TRPC5: variants seen among roughly 807,000 people sequenced by gnomAD.
TRPC5 encodes transient receptor potential cation channel subfamily C member 5, also known as short transient receptor potential channel 5.
In TRPC5, 9 loss-of-function variants were observed where a neutral mutation model predicts 56.5. The ratio of observed to expected loss-of-function variants is 0.16; its 90% CI spans 0.10 to 0.28. The LOEUF (loss-of-function observed/expected upper bound fraction) is 0.28, where lower values mean the gene tolerates loss of function less well. Ranked by LOEUF, TRPC5 falls within the 10% of genes least tolerant of loss-of-function variation. The pLI, the probability that TRPC5 is intolerant of heterozygous loss-of-function variation, is 1.00. For synonymous variants in TRPC5, 282 were observed against 278.5 expected, an observed-to-expected ratio of 1.01 and a Z score of -0.13; for missense variants, 469 against 748.9, an observed-to-expected ratio of 0.63 and a Z score of 4.36.
intron 1 of TRPC5, among the ~76,000 whole-genome samples, chrX:111,997,974 C>T (rs1020266032): frequency 2.6e-4 from 29 of 111,326 alleles, no homozygotes; most frequent in African/African-American, 8.8e-4. Context: ...TATTACTGAC[C>T]TTCTGAATCC....
intron 1 of TRPC5, among the ~76,000 whole-genome samples, chrX:112,053,442 A>G (rs1930266563): frequency 8.9e-6 from 1 of 111,852 alleles, no homozygotes; most frequent in Non-Finnish European, 1.9e-5. Flanking sequence ...AGCATCTATC[A>G]CAGAACTTGG....
intron 1 of TRPC5, among the ~76,000 whole-genome samples, chrX:111,970,150 C>T (rs1927740106): frequency 9.0e-6 from 1 of 111,373 alleles, no homozygotes; most frequent in Non-Finnish European, 1.9e-5. Context: ...ATCTGTGTGA[C>T]TGAGAAAGGC....
At chrX:112,028,773 T>A (rs1050046784) in intron 1 of TRPC5, among the ~76,000 whole-genome samples, 4 of 112,064 alleles carry the variant, frequency 3.6e-5, no homozygotes, top group Non-Finnish European at 7.5e-5. Context: ...TGATTTATAA[T>A]CCTTTGGGTA....
At chrX:111,961,710 T>A (rs1927386056) in intron 1 of TRPC5, among the ~76,000 whole-genome samples, 1 of 112,058 alleles carries the variant, frequency 8.9e-6, no homozygotes, top group African/African-American at 3.2e-5. Context: ...TCAGTATAGC[T>A]TCCTAGAAGT....
At chrX:111,795,413 C>A (rs917850943) in intron 7 of TRPC5, among the ~76,000 whole-genome samples, 2 of 110,385 alleles carry the variant, frequency 1.8e-5, no homozygotes, top group East Asian at 2.8e-4. Flanking sequence ...TGATCATGGG[C>A]TTTTTCTTGT....
chrX:112,037,582 A>G (rs148031002), intron 1 of TRPC5, among the ~76,000 whole-genome samples: 1 of 111,379 alleles, frequency 9.0e-6, no homozygotes, highest in African/African-American at 3.3e-5. Context: ...CCCTCACAGT[A>G]GCTTTTAGAA....
intron 1 of TRPC5, among the ~76,000 whole-genome samples, chrX:112,014,330 T>A (rs1214232120): frequency 8.9e-6 from 1 of 112,698 alleles, no homozygotes; most frequent in Admixed American, 9.4e-5. Flanking sequence ...CCAGATTGTA[T>A]CTGACATTAT....
chrX:111,859,735 G>A (rs771208206), intron 3 of TRPC5, among the ~76,000 whole-genome samples: 16 of 112,094 alleles, frequency 1.4e-4, no homozygotes, highest in Non-Finnish European at 2.8e-4. Flanking sequence ...TATTCGTTCC[G>A]TAAGTCAAGT....
intron 3 of TRPC5, chrX:111,901,602 C>T: frequency 4.0e-6 from 1 of 249,341 alleles, no homozygotes; most frequent in East Asian, 6.6e-5. Context: ...AACAGCAGTT[C>T]ACCATTAGTA....
chrX:111,813,052 C>A (rs1921758256), intron 7 of TRPC5, among the ~76,000 whole-genome samples: 1 of 111,969 alleles, frequency 8.9e-6, no homozygotes, highest in Non-Finnish European at 1.9e-5. Flanking sequence ...TGTTTACTTT[C>A]AGTGTTTGGT....
intron 2 of TRPC5, among the ~76,000 whole-genome samples, chrX:111,921,583 C>T (rs993600091): frequency 1.8e-5 from 2 of 110,583 alleles, no homozygotes; most frequent in Non-Finnish European, 3.8e-5. Flanking sequence ...AGATCTTGGA[C>T]TTTCTGTTTA....
intron 2 of TRPC5, among the ~76,000 whole-genome samples, chrX:111,949,256 A>C (rs957303695): frequency 8.9e-6 from 1 of 111,957 alleles, no homozygotes; most frequent in South Asian, 3.7e-4. Context: ...CATTGGAAAA[A>C]CCCTTCTAGG....
At chrX:111,912,833 G>T in intron 2 of TRPC5, 21 bp from the exon 3 acceptor site, 1 of 1,179,527 alleles carries the variant, frequency 8.5e-7, no homozygotes, top group South Asian at 1.9e-5. Flanking sequence ...GAAATGAGAA[G>T]AATAGAAGGG....
chrX:112,004,755 A>G (rs1569529389), intron 1 of TRPC5, among the ~76,000 whole-genome samples: 1 of 111,485 alleles, frequency 9.0e-6, no homozygotes, highest in Non-Finnish European at 1.9e-5. Flanking sequence ...CAACATTTCA[A>G]TGAGATTAAT....
intron 1 of TRPC5, among the ~76,000 whole-genome samples, chrX:112,029,353 T>A (rs1484294780): frequency 2.7e-5 from 3 of 112,303 alleles, no homozygotes. Context: ...GAGTAGTACT[T>A]TATTGTGTAT....
chrX:111,778,672 T>C (rs1945897522), intron 10 of TRPC5, among the ~76,000 whole-genome samples: 1 of 112,128 alleles, frequency 8.9e-6, no homozygotes, highest in African/African-American at 3.2e-5. Context: ...CCCTTTGTTA[T>C]CTTGTCCCTC....
intron 1 of TRPC5, among the ~76,000 whole-genome samples, chrX:111,952,998 A>G (rs1355255891): frequency 8.9e-6 from 1 of 111,849 alleles, no homozygotes; most frequent in East Asian, 2.8e-4. Context: ...AATTTCCTTC[A>G]GGCTCTAGGT....
chrX:111,893,030 T>G (rs1411487130), intron 3 of TRPC5, among the ~76,000 whole-genome samples: 1 of 110,952 alleles, frequency 9.0e-6, no homozygotes, highest in Non-Finnish European at 1.9e-5. Context: ...ACAGAGTAGC[T>G]TAGCAACCTT....
intron 1 of TRPC5, among the ~76,000 whole-genome samples, chrX:112,015,953 G>GA (rs1929110807): frequency 8.9e-6 from 1 of 111,747 alleles, no homozygotes; most frequent in African/African-American, 3.3e-5. Flanking sequence ...AGTATTTAAA[G>GA]AGAGTTGTTG....
Sources: allele counts gnomAD v4.1 joint callset (sites outside exome capture counted in the v4.1 genomes callset), GRCh38; gene constraint gnomAD v4.1.1; transcripts MANE v1.5; gene names NCBI Gene and HGNC (gene_info 2026-07-23, HGNC 2026-07-21).